The following SNX10 variants were observed in gnomAD, a reference collection of about 807,000 sequenced individuals.
The protein encoded by SNX10 is sorting nexin 10.
SNX10 carries 25 observed loss-of-function variants against 28.5 expected under a neutral mutation model. The observed-to-expected ratio is 0.88, with a 90% CI of 0.64 to 1.22. SNX10 has a LOEUF of 1.22. Among genes scored for constraint, SNX10 ranks in the 50% most tolerant of loss-of-function variants. The pLI is 0.00. For synonymous variants in SNX10, 62 were observed against 81.4 expected (o/e 0.76, Z 1.28); for missense variants, 223 against 242.6 (o/e 0.92, Z 0.54).
At chr7:26,308,214 T>C (rs1300527639) in intron 1 of SNX10, among the ~76,000 whole-genome samples, 1 of 152,178 alleles carries the variant, frequency 6.6e-6, no homozygotes, top group African/African-American at 2.4e-5. Context: ...TCTCCTGTTC[T>C]CCCTTCAACC....
chr7:26,336,525 G>A (rs1787953658), intron 1 of SNX10, among the ~76,000 whole-genome samples: 1 of 152,124 alleles, frequency 6.6e-6, no homozygotes, highest in African/African-American at 2.4e-5. Flanking sequence ...CCAACATGGT[G>A]AAACCCCGTC....
At chr7:26,361,138 TGTAAAA>T in intron 3 of SNX10, 77 bp downstream of exon 3, 3 of 1,421,118 alleles carry the variant, frequency 2.1e-6, no homozygotes, top group Non-Finnish European at 2.8e-6. Context: ...AGTTGACACT[TGTAAAA>T]GTTTTTCTCA....
intron 1 of SNX10, among the ~76,000 whole-genome samples, chr7:26,315,505 A>G (rs1404061018): frequency 1.3e-5 from 2 of 151,386 alleles, no homozygotes; most frequent in Non-Finnish European, 3.0e-5. Flanking sequence ...CGTCTCTACT[A>G]AAAATACAAA....
At chr7:26,320,646 C>G (rs1787276457) in intron 1 of SNX10, among the ~76,000 whole-genome samples, 1 of 152,006 alleles carries the variant, frequency 6.6e-6, no homozygotes, top group Non-Finnish European at 1.5e-5. Context: ...ATTGGCCAGG[C>G]TGGTCTTGAA....
chr7:26,321,020 C>T (rs1269470586), intron 1 of SNX10, among the ~76,000 whole-genome samples: 1 of 152,180 alleles, frequency 6.6e-6, no homozygotes, highest in African/African-American at 2.4e-5. Flanking sequence ...CCTCTGGGTG[C>T]TGATCTTTCT....
chr7:26,297,779 C>T (rs533111887), intron 1 of SNX10, among the ~76,000 whole-genome samples: 1 of 152,026 alleles, frequency 6.6e-6, no homozygotes, highest in Middle Eastern at 3.2e-3. Context: ...GCACCTCTGC[C>T]GCCTCTCTCT....
intron 5 of SNX10, chr7:26,370,338 C>T (rs1262846295): frequency 6.6e-6 from 1 of 152,196 alleles, no homozygotes; most frequent in East Asian, 1.9e-4. Flanking sequence ...TACTTAGCTA[C>T]TTGTACTTGG....
chr7:26,295,446 G>A (rs529950372), intron 1 of SNX10, among the ~76,000 whole-genome samples: 1 of 151,958 alleles, frequency 6.6e-6, no homozygotes, highest in Non-Finnish European at 1.5e-5. Flanking sequence ...GTCACCCATG[G>A]TGGAAAGAAA....
At chr7:26,320,409 T>A (rs1787265358) in intron 1 of SNX10, among the ~76,000 whole-genome samples, 1 of 141,302 alleles carries the variant, frequency 7.1e-6, no homozygotes. Context: ...TTCTGGAATC[T>A]TCTTCTTTTT....
chr7:26,372,458 T>G, intron 6 of SNX10, 33 bp from the exon 7 acceptor site: 3 of 1,408,956 alleles, frequency 2.1e-6, no homozygotes, highest in Non-Finnish European at 2.0e-6. Context: ...CAATTTCCTC[T>G]TTTTATTATT....
In SNX10 at chr7:26,301,770, C is replaced by T. The variant is rs144536908; in HGVS notation, c.-24+9684C>T. Among the ~76,000 whole-genome samples the T allele has an allele frequency of 9.9e-5, 15 of 152,278 alleles. No individual in the cohort carries two copies. The East Asian group carries it at 1.9e-3, about 20-fold the overall frequency. On this transcript the variant is annotated intron_variant, in intron 1 of 6. Coordinates refer to ENST00000338523, the MANE Select transcript of SNX10 (RefSeq NM_013322.3). ...TCGACAATTCAGAGATATTTCATGA[C>T]TTGAACAAATGGAGGAGACAGGATT... is the stretch of plus-strand genomic sequence containing the variant.
At chr7:26,294,063 G>T (rs1786023170) in intron 1 of SNX10, among the ~76,000 whole-genome samples, 1 of 152,156 alleles carries the variant, frequency 6.6e-6, no homozygotes, top group African/African-American at 2.4e-5. Context: ...ACAACCACTT[G>T]GTGAAAGGCA....
chr7:26,350,898 C>T (rs1440731607), intron 2 of SNX10, among the ~76,000 whole-genome samples: 3 of 152,062 alleles, frequency 2.0e-5, no homozygotes, highest in African/African-American at 7.2e-5. Flanking sequence ...ACTGTGAGGA[C>T]TCTGATATTT....
intron 1 of SNX10, among the ~76,000 whole-genome samples, chr7:26,312,149 A>G (rs1343574058): frequency 6.6e-6 from 1 of 152,224 alleles, no homozygotes; most frequent in African/African-American, 2.4e-5. Flanking sequence ...ATTCATGACC[A>G]TGGAACAGAA....
At position 26,292,309 on chromosome 7, in the gene SNX10, G is replaced by A. The variant is rs191036869; in HGVS notation, c.-24+223G>A. Among the ~76,000 whole-genome samples the A allele has an allele frequency of 1.5e-3, 235 of 152,318 alleles. 2 individuals carry two copies. The highest frequency in any genetic ancestry group is 5.5e-3 in the African/African-American group (229 of 41,574). On this transcript the variant is annotated intron_variant, in intron 1 of 6. Coordinates refer to ENST00000338523, the MANE Select transcript of SNX10 (RefSeq NM_013322.3). ...GAAATGATCAGCGCGGTAGAGCGGG[G>A]AGATGGAGCGCGTCGATCCAGGGAT...
intron 1 of SNX10, among the ~76,000 whole-genome samples, chr7:26,325,475 G>A (rs1323387238): frequency 1.3e-5 from 2 of 149,610 alleles, no homozygotes; most frequent in Non-Finnish European, 3.0e-5. Context: ...CACCACACCC[G>A]CTAATTTTTT....
At chr7:26,346,060 G>A (rs540143476) in intron 1 of SNX10, among the ~76,000 whole-genome samples, 2 of 152,104 alleles carry the variant, frequency 1.3e-5, no homozygotes, top group African/African-American at 4.8e-5. Flanking sequence ...CTCTCTGCGC[G>A]TCTTTTCCAG....
intron 1 of SNX10, among the ~76,000 whole-genome samples, chr7:26,316,796 G>A (rs1330759225): frequency 1.3e-5 from 2 of 152,178 alleles, no homozygotes; most frequent in Admixed American, 1.3e-4. Context: ...TCAGTGCAGT[G>A]CCCTAAGCTG....
chr7:26,371,987 G>C lies in SNX10; in HGVS notation c.478G>C (p.Asp160His). The change falls in exon 6 of 7, where the codon GAT becomes CAT. Residue 160 changes from aspartate (D) to histidine (H), a missense_variant. By Grantham distance (81) the Asp-to-His change is moderately conservative (BLOSUM62 -1). Transcript: ENST00000338523. ...ALMNRRFPEE[D>H]EEGKKENDID... ...AATGAATAGACGTTTCCCTGAAGAA[G>C]ATGAAGAAGGAAAAAAAGAAAATGA... The C allele has an allele frequency of 1.2e-6, 2 of 1,612,818 alleles. No homozygotes were observed. Among genetic ancestry groups the C allele is most frequent in the Non-Finnish European group, 1.7e-6 (2 of 1,179,170 alleles).
Sources: gnomAD v4.1 joint callset for allele counts (sites outside exome capture counted in the v4.1 genomes callset) on GRCh38, gnomAD v4.1.1 for gene constraint, MANE v1.5 for transcripts, NCBI Gene and HGNC (gene_info 2026-07-23, HGNC 2026-07-21) for gene names.